PPP1R13L: variants seen among roughly 807,000 people sequenced by gnomAD.
The protein encoded by PPP1R13L is protein phosphatase 1 regulatory subunit 13 like, also known as relA-associated inhibitor.
In PPP1R13L, 50 loss-of-function variants were observed where a neutral mutation model predicts 80.9. The observed-to-expected ratio is 0.62, with a 90% confidence interval of 0.49 to 0.78. The LOEUF (loss-of-function observed/expected upper bound fraction) is 0.78, where lower values mean the gene tolerates loss of function less well. Among genes scored for constraint, PPP1R13L ranks in the 30% least tolerant of loss-of-function variants. PPP1R13L has a pLI of 0.00. For synonymous variants in PPP1R13L, 602 were observed against 534.3 expected, an observed-to-expected ratio of 1.13 and a Z score of -1.75; for missense variants, 1,200 against 1,205.9, an observed-to-expected ratio of 1.00 and a Z score of 0.07.
Position 45,396,531 on chromosome 19 carries a change from G to T in PPP1R13L, c.712+14C>A. 2 of 1,580,364 alleles carry T rather than the reference G, an allele frequency of 1.3e-6. No individual in the cohort carries two copies. Among genetic ancestry groups the T allele is most frequent in the Non-Finnish European group, 8.6e-7 (1 of 1,167,546 alleles). On this transcript the variant is annotated intron_variant, in intron 4 of 12. Transcript: ENST00000360957. The surrounding 1 kb of genome is among the most constrained non-coding windows in gnomAD (Gnocchi z 5.3). The stretch of plus-strand genomic sequence containing the variant: ...CCGCGAGTCAAAGGCCCCGCGAGGG[G>T]CCCCTGGGTTCACCTTGCGCGCGCA...
In PPP1R13L at chr19:45,395,494, G is replaced by C; in HGVS notation, c.1296C>G (p.Pro432=). Residue 432 remains proline (P), a synonymous_variant, in exon 7 of 13, where the codon CCC becomes CCG. Transcript: ENST00000360957. ...PQLPPQPQTQ[P]QTPTPAPQHP... ...GCTGGGGGGCTGGGGTAGGGGTTTG[G>C]GGTTGGGTCTGGGGCTGTGGGGGCA... The C allele has an allele frequency of 6.7e-7, 1 of 1,490,896 alleles. No homozygotes were observed. 92.4% of individuals were successfully genotyped at this position (1,490,896 alleles called of 1,614,324 possible). A position where few individuals can be genotyped will look rare whatever the true frequency, so the allele number is the denominator to read the frequency against.
At chr19:45,403,088 C>T (rs879429188) in intron 1 of PPP1R13L, among the ~76,000 whole-genome samples, 3 of 152,160 alleles carry the variant, frequency 2.0e-5, no homozygotes, top group Non-Finnish European at 4.4e-5. Flanking sequence ...CTTCTCTGTG[C>T]CTGTTTCCTC....
chr19:45,403,253 T>C (rs1387398766), intron 1 of PPP1R13L, among the ~76,000 whole-genome samples: 3 of 152,212 alleles, frequency 2.0e-5, no homozygotes, highest in Non-Finnish European at 4.4e-5. Flanking sequence ...CTGTTCATTA[T>C]AATAACACAG....
chr19:45,393,868 A>G, intron 7 of PPP1R13L, among the ~76,000 whole-genome samples: 1 of 150,874 alleles, frequency 6.6e-6, no homozygotes, highest in Non-Finnish European at 1.5e-5. Context: ...ACTCTGTCTC[A>G]AAAAAAAAGA....
intron 1 of PPP1R13L, among the ~76,000 whole-genome samples, chr19:45,402,589 T>C (rs1224210753): frequency 6.6e-6 from 1 of 152,054 alleles, no homozygotes; most frequent in Non-Finnish European, 1.5e-5. Context: ...GCAGGTGCTG[T>C]ACATCCCGGG....
intron 11 of PPP1R13L, among the ~76,000 whole-genome samples, chr19:45,384,366 C>CAAAAAAAAAAAAAAAAAA (rs770216477): frequency 2.2e-5 from 2 of 91,310 alleles, no homozygotes; most frequent in Admixed American, 1.3e-4. Context: ...ACTAAAAATA[C>CAAAAAAAAAAAAAAAAAA]AAAAAAAAAA....
chr19:45,385,505 C>G, intron 11 of PPP1R13L, 57 bp downstream of exon 11: 1 of 1,515,064 alleles, frequency 6.6e-7, no homozygotes, highest in Admixed American at 2.0e-5. Flanking sequence ...TAGTTGCTCC[C>G]CTCCCCGCTC....
At position 45,386,079 on chromosome 19, in the gene PPP1R13L, C is replaced by G. The variant is rs749634605; in HGVS notation, c.1917G>C (p.Glu639Asp). ...VLLLDAALTG[E>D]LEVVQQAVKE... ...TCACCGCCTGCTGCACCACCTCCAG[C>G]TCCCCGGTCAGCGCCGCGTCCAGGA... Residue 639 changes from glutamate (E) to aspartate (D), a missense_variant, in exon 9 of 13, where the codon GAG becomes GAC. This residue lies in a region of PPP1R13L where 214 missense variants were observed against 199.6 expected (regional missense o/e 1.07). Coordinates refer to ENST00000360957, the MANE Select transcript of PPP1R13L (RefSeq NM_006663.4). 2.4e-5 allele frequency: 38 copies of G among 1,582,552 alleles called. No homozygotes were observed. The highest frequency in any genetic ancestry group is 3.2e-5 in the Non-Finnish European group (37 of 1,168,144).
Position 45,380,049 on chromosome 19 carries a change from G to T in PPP1R13L, c.*141C>A. 2 of 924,276 alleles carry T rather than the reference G, an allele frequency of 2.2e-6. No individual in the cohort carries two copies. The highest frequency in any genetic ancestry group is 3.4e-6 in the Non-Finnish European group (2 of 596,462). The allele number at this position is 924,276 out of a possible 1,614,324, so 57.3% of individuals were successfully genotyped here. On this transcript the variant is annotated 3_prime_UTR_variant, in exon 13 of 13. Transcript: ENST00000360957. The stretch of plus-strand genomic sequence containing the variant: ...GCCCTCCTTCTTCCCTGGACTTCCA[G>T]GAGAACAGAGAACCGGTGGCAAGGA...
intron 7 of PPP1R13L, among the ~76,000 whole-genome samples, chr19:45,394,259 G>C (rs1219505170): frequency 6.6e-6 from 1 of 151,960 alleles, no homozygotes; most frequent in African/African-American, 2.4e-5. Context: ...AGCATCCTGA[G>C]TAGCTGGGAC....
At chr19:45,404,881 G>T in intron 1 of PPP1R13L, 118 bp downstream of exon 1, 2 of 497,774 alleles carry the variant, frequency 4.0e-6, no homozygotes, top group Non-Finnish European at 5.2e-6. Context: ...GGATCCAGGT[G>T]TCGGCGCGCC....
chr19:45,395,696 G>A lies in PPP1R13L; in HGVS notation c.1094C>T (p.Pro365Leu), dbSNP rs754223809. Residue 365 changes from proline (P) to leucine (L), a missense_variant, in exon 7 of 13, where the codon CCG becomes CTG. Physicochemically the swap from Pro to Leu is moderately conservative, Grantham distance 98. Coordinates refer to ENST00000360957, the MANE Select transcript of PPP1R13L (RefSeq NM_006663.4). ...GCTGAGGGGGATGGGACGCTGGCGCGGGGCCCCGCGGGGCTGGGGGCTGGA... is the reference window on the plus strand; with the variant it reads ...GCTGAGGGGGATGGGACGCTGGCGCAGGGCCCCGCGGGGCTGGGGGCTGGA... ...PPSSPQPRGA[P>L]RQRPIPLSMI... 9.0e-6 allele frequency: 13 copies of A among 1,447,032 alleles called. No homozygotes were observed. The highest frequency in any genetic ancestry group is 7.7e-5 in the East Asian group (3 of 38,948). The allele number at this position is 1,447,032 out of a possible 1,614,324, so 89.6% of individuals were successfully genotyped here.
chr19:45,400,269 G>C (rs1973204721), intron 1 of PPP1R13L, among the ~76,000 whole-genome samples: 1 of 151,946 alleles, frequency 6.6e-6, no homozygotes. Flanking sequence ...AGGTGGCCAG[G>C]GGTGGAGGGG....
Position 45,392,201 on chromosome 19 carries a change from T to G in PPP1R13L, c.1494A>C (p.Pro498=). ...GCTCGGGCACCGACTGTGCCTCCGGTGGCAGTGCTGGCTGCAGCCTCGTGG... is the reference window on the plus strand; with the variant it reads ...GCTCGGGCACCGACTGTGCCTCCGGGGGCAGTGCTGGCTGCAGCCTCGTGG... ...LSPTRLQPAL[P]PEAQSVPELE... The change falls in exon 8 of 13, where the codon CCA becomes CCC. Residue 498 remains proline (P), a synonymous_variant. Transcript: ENST00000360957. 1 of 1,611,568 alleles carries G rather than the reference T, an allele frequency of 6.2e-7. No individual in the cohort carries two copies. The highest frequency in any genetic ancestry group is 2.2e-5 in the East Asian group (1 of 44,826).
intron 8 of PPP1R13L, among the ~76,000 whole-genome samples, chr19:45,390,873 C>A (rs1023826741): frequency 6.6e-6 from 1 of 152,026 alleles, no homozygotes; most frequent in African/African-American, 2.4e-5. Context: ...CGTGAGCCAC[C>A]GCGCCCGGCC....
chr19:45,387,552 CT>C (rs200073062), intron 8 of PPP1R13L, among the ~76,000 whole-genome samples: 1 of 151,976 alleles, frequency 6.6e-6, no homozygotes, highest in Non-Finnish European at 1.5e-5. Context: ...GTTAGAATTT[CT>C]TTTTTTTGTT....
At chr19:45,398,203 G>T in intron 2 of PPP1R13L, 56 bp from the exon 3 acceptor site, 1 of 1,612,698 alleles carries the variant, frequency 6.2e-7, no homozygotes. Flanking sequence ...GCCGGCCTCA[G>T]CACCCCTCGC....
Position 45,386,157 on chromosome 19 carries a change from C to A in PPP1R13L, c.1839G>T (p.Lys613Asn). 1 of 1,538,878 alleles carries A rather than the reference C, an allele frequency of 6.5e-7. No individual in the cohort carries two copies. The highest frequency in any genetic ancestry group is 8.6e-7 in the Non-Finnish European group (1 of 1,156,666). Residue 613 changes from lysine (K) to asparagine (N), a missense_variant, in exon 9 of 13, where the codon AAG (lysine) becomes AAT (asparagine). Transcript: ENST00000360957. ...GGCGGGCCTTGCGCGGGGAGCCCGC[C>A]TTCCGCAGCACAGAGCGCATCTCCT... ...QSMEMRSVLRKAGSPRKARRA... is the reference protein window; with the variant it reads ...QSMEMRSVLRNAGSPRKARRA...
At chr19:45,399,538 G>A (rs1177664491) in intron 1 of PPP1R13L, among the ~76,000 whole-genome samples, 1 of 150,896 alleles carries the variant, frequency 6.6e-6, no homozygotes, top group Non-Finnish European at 1.5e-5. Flanking sequence ...GCAGGAGAAC[G>A]GCGTGAACCC....
Sources: gnomAD v4.1 joint callset for allele counts (sites outside exome capture counted in the v4.1 genomes callset) on GRCh38, gnomAD v4.1.1 for gene constraint, gnomAD v4.1.1 regional missense constraint, Gnocchi (gnomAD v3.1) non-coding constraint, MANE v1.5 for transcripts, NCBI Gene and HGNC (gene_info 2026-07-23, HGNC 2026-07-21) for gene names.